SCG5: variants seen among roughly 807,000 people sequenced by gnomAD.
SCG5 encodes secretogranin V, also known as neuroendocrine protein 7B2.
A neutral mutation model predicts 25.7 loss-of-function variants in SCG5; 18 were observed. That is an observed-to-expected ratio of 0.70 (90% CI 0.48 to 1.04). The LOEUF is 1.04. Ranked by LOEUF, SCG5 falls within the 50% of genes least tolerant of loss-of-function variation. The probability of loss-of-function intolerance (pLI) is 0.00; values close to 1 mark genes in which losing one functional copy is unlikely to be tolerated. For synonymous variants in SCG5, 101 were observed against 91.7 expected, an observed-to-expected ratio of 1.10 and a Z score of -0.58; for missense variants, 206 against 259.8, an observed-to-expected ratio of 0.79 and a Z score of 1.42.
chr15:32,695,139 C>A (rs959947826), intron 5 of SCG5, among the ~76,000 whole-genome samples: 1 of 152,136 alleles, frequency 6.6e-6, no homozygotes, highest in African/African-American at 2.4e-5. Flanking sequence ...CCTCAACCTC[C>A]CAAGTAGCTG....
rs1567076461 is a variant in SCG5, at chr15:32,663,065, AT to A, written c.227-16700del. 1.5e-3 allele frequency among the ~76,000 whole-genome samples: 77 copies of A among 50,190 alleles called. 4 individuals are homozygous for A. The highest frequency in any genetic ancestry group is 0.011 in the East Asian group (20 of 1,884). The allele number at this position is 50,190 out of a possible 152,430, so 32.9% of individuals were successfully genotyped here. On this transcript the variant is annotated intron_variant, in intron 2 of 5. Coordinates refer to ENST00000300175, the MANE Select transcript of SCG5 (RefSeq NM_001144757.3). ...TATATATATATATATATATATATAT[AT>A]ATATATATATATAATATATAATATG... is the stretch of plus-strand genomic sequence containing the variant.
intron 4 of SCG5, among the ~76,000 whole-genome samples, chr15:32,690,015 G>A (rs1363075981): frequency 1.3e-5 from 2 of 152,032 alleles, no homozygotes; most frequent in African/African-American, 4.8e-5. Context: ...CTAATTTTTT[G>A]TAGTTTTAGT....
chr15:32,666,549 T>C lies in SCG5; in HGVS notation c.227-13217T>C, dbSNP rs569253717. On this transcript the variant is annotated intron_variant, in intron 2 of 5. Transcript: ENST00000300175. The stretch of plus-strand genomic sequence containing the variant: ...GTGCTATGTTTGTACCAGTTAATCT[T>C]CTCAATGAAGTATTATTATCACCCC... The C allele has an allele frequency of 5.3e-5, 8 of 152,340 alleles. 1 individual carries two copies. The South Asian group carries it at 1.7e-3, about 32-fold the overall frequency. The allele number at this position is 152,340 out of a possible 1,614,324, so 9.4% of individuals were successfully genotyped here.
At chr15:32,693,259 G>A (rs770524245) in intron 5 of SCG5, among the ~76,000 whole-genome samples, 4 of 152,138 alleles carry the variant, frequency 2.6e-5, no homozygotes, top group African/African-American at 7.2e-5. Context: ...CCATGGTCAC[G>A]ATTTAGGTCA....
At chr15:32,674,786 T>C (rs2054502578) in intron 2 of SCG5, among the ~76,000 whole-genome samples, 1 of 152,080 alleles carries the variant, frequency 6.6e-6, no homozygotes, top group South Asian at 2.1e-4. Context: ...CTCAAAGGGA[T>C]ACGTACAGAA....
Position 32,696,626 on chromosome 15 carries a change from G to T in SCG5, c.*17G>T. On this transcript the variant is annotated 3_prime_UTR_variant, in exon 6 of 6. Coordinates refer to ENST00000300175, the MANE Select transcript of SCG5 (RefSeq NM_001144757.3). ...CCAGAGTAAAGAGAAGATGCTAGAC[G>T]AAAACCCACATTACCTGTTAGGCCT... 1.3e-6 allele frequency: 2 copies of T among 1,551,786 alleles called. No homozygotes were observed. Among genetic ancestry groups the T allele is most frequent in the Middle Eastern group, 1.7e-4 (1 of 5,946 alleles).
chr15:32,672,510 T>TC (rs1351696032), intron 2 of SCG5, among the ~76,000 whole-genome samples: 4 of 152,218 alleles, frequency 2.6e-5, no homozygotes, highest in African/African-American at 9.6e-5. Context: ...TGGCGTCCCA[T>TC]CCCAGAGCCA....
chr15:32,674,701 C>G (rs2054501055), intron 2 of SCG5, among the ~76,000 whole-genome samples: 1 of 152,160 alleles, frequency 6.6e-6, no homozygotes, highest in Non-Finnish European at 1.5e-5. Context: ...AAACTTGGAG[C>G]TGAGGTTGAT....
At chr15:32,657,936 G>A (rs142637957) in intron 2 of SCG5, among the ~76,000 whole-genome samples, 2 of 152,176 alleles carry the variant, frequency 1.3e-5, no homozygotes, top group African/African-American at 2.4e-5. Flanking sequence ...GGAATTGAGC[G>A]TGTTTACAGA....
intron 2 of SCG5, 102 bp from the exon 3 acceptor site, chr15:32,679,664 C>A: frequency 7.8e-7 from 1 of 1,280,594 alleles, no homozygotes. Context: ...TCTCTCCCCA[C>A]AGCAGAAGGC....
chr15:32,661,477 G>A (rs887221541), intron 2 of SCG5, among the ~76,000 whole-genome samples: 7 of 152,108 alleles, frequency 4.6e-5, no homozygotes, highest in South Asian at 2.1e-4. Flanking sequence ...AAAATAAGCC[G>A]GTTGTGGTGG....
intron 5 of SCG5, 117 bp from the exon 6 acceptor site, chr15:32,696,397 G>C: frequency 1.4e-6 from 1 of 694,978 alleles, no homozygotes; most frequent in East Asian, 2.9e-5. Context: ...GATTACAGGC[G>C]TGAGCCACCG....
chr15:32,659,338 G>T (rs534440518), intron 2 of SCG5, among the ~76,000 whole-genome samples: 1 of 152,274 alleles, frequency 6.6e-6, no homozygotes, highest in Non-Finnish European at 1.5e-5. Flanking sequence ...GGACATATTT[G>T]ATTATAAGCT....
Position 32,642,123 on chromosome 15 carries a change from A to T in SCG5, c.-8+345A>T, listed in dbSNP as rs533719856. On this transcript the variant is annotated intron_variant, in intron 1 of 5. Transcript: ENST00000300175. The stretch of plus-strand genomic sequence containing the variant: ...GCTACTCTCAGCTCTTTGGAGAGCA[A>T]GGTTTTATATCTAGTGGCTAGAAAA... 7.2e-5 allele frequency among the ~76,000 whole-genome samples: 11 copies of T among 152,260 alleles called. No individual in the cohort carries two copies. In the East Asian group the frequency reaches 1.9e-3, roughly 27 times the overall value.
Position 32,679,819 on chromosome 15 carries a change from A to G in SCG5, c.280A>G (p.Ile94Val). 6.2e-7 allele frequency: 1 copy of G among 1,613,900 alleles called. No individual in the cohort carries two copies. The highest frequency in any genetic ancestry group is 8.5e-7 in the Non-Finnish European group (1 of 1,179,828). The part of the protein sequence containing the change: ...HLGPFGNIPN[I>V]VAELTGDNIP... ...GGGTCCTTTTGGCAACATCCCCAAC[A>G]TCGTGGCAGAGTTGACTGGAGACAA... The change falls in exon 3 of 6, where the codon ATC becomes GTC. Residue 94 changes from isoleucine (I) to valine (V), a missense_variant. Coordinates refer to ENST00000300175, the MANE Select transcript of SCG5 (RefSeq NM_001144757.3).
chr15:32,694,910 A>G (rs2054926894), intron 5 of SCG5, among the ~76,000 whole-genome samples: 1 of 152,156 alleles, frequency 6.6e-6, no homozygotes, highest in Non-Finnish European at 1.5e-5. Flanking sequence ...AGGTTATTTC[A>G]TGGGCAAGAG....
chr15:32,650,907 C>T (rs2054021838), intron 2 of SCG5, among the ~76,000 whole-genome samples: 1 of 152,098 alleles, frequency 6.6e-6, no homozygotes, highest in African/African-American at 2.4e-5. Flanking sequence ...CATTAAAATA[C>T]CCACGTTCTG....
At position 32,684,933 on chromosome 15, in the gene SCG5, C is replaced by G. The variant is rs144747542; in HGVS notation, c.489+264C>G. 4.2e-3 allele frequency among the ~76,000 whole-genome samples: 640 copies of G among 152,336 alleles called. 3 individuals carry two copies. Among genetic ancestry groups the G allele is most frequent in the Admixed American group, 6.7e-3 (102 of 15,310 alleles). On this transcript the variant is annotated intron_variant, in intron 4 of 5. Transcript: ENST00000300175. ...CAGAGTCTTCTACTCTGGTCTGCTTCACAGCCTGTGTCATACACATCCTAA... is the reference window on the plus strand; with the variant it reads ...CAGAGTCTTCTACTCTGGTCTGCTTGACAGCCTGTGTCATACACATCCTAA...
rs1341415853 is a variant in SCG5 at position 32,696,740 on chromosome 15, A to G, written c.*131A>G. ...ATAATTATGGATACAAAGCAGCTGT[A>G]TGTAGATAGTGTATTGTCTTCACAC... On this transcript the variant is annotated 3_prime_UTR_variant, in exon 6 of 6. Transcript: ENST00000300175. 6 of 602,284 alleles carry G rather than the reference A, an allele frequency of 1.0e-5. No homozygotes were observed. Among genetic ancestry groups the G allele is most frequent in the Non-Finnish European group, 1.8e-5 (6 of 331,522 alleles). The allele number at this position is 602,284 out of a possible 1,614,324, so 37.3% of individuals were successfully genotyped here.
Sources: gnomAD v4.1 joint callset for allele counts (sites outside exome capture counted in the v4.1 genomes callset) on GRCh38, gnomAD v4.1.1 for gene constraint, MANE v1.5 for transcripts, NCBI Gene and HGNC (gene_info 2026-07-23, HGNC 2026-07-21) for gene names.